LRIG1: variants seen among roughly 807,000 people sequenced by gnomAD.
LRIG1 encodes leucine rich repeats and immunoglobulin like domains 1.
LRIG1 carries 48 observed loss-of-function variants against 99.2 expected under a neutral mutation model. That is an observed-to-expected ratio of 0.48 (90% CI 0.38 to 0.62). The LOEUF (loss-of-function observed/expected upper bound fraction) is 0.62. Ranked by LOEUF, LRIG1 falls within the 20% of genes least tolerant of loss-of-function variation. The probability of loss-of-function intolerance (pLI) is 0.00; values close to 1 mark genes in which losing one functional copy is unlikely to be tolerated. For missense variants in LRIG1, 1,646 were observed against 1,434.4 expected (o/e 1.15, Z -2.38); for synonymous variants, 772 against 596.1 (o/e 1.29, Z -4.30).
intron 3 of LRIG1, among the ~76,000 whole-genome samples, chr3:66,437,406 C>T (rs9856474): frequency 6.6e-6 from 1 of 152,112 alleles, no homozygotes; most frequent in South Asian, 2.1e-4. Flanking sequence ...CTGGGCCAGG[C>T]GGCCTCTCAC....
chr3:66,414,823 GC>G (rs1702573602), intron 5 of LRIG1, 96 bp downstream of exon 5: 4 of 1,226,864 alleles, frequency 3.3e-6, no homozygotes, highest in Non-Finnish European at 4.4e-6. Flanking sequence ...ACCAAATGGA[GC>G]AAGGAAAGGG....
At chr3:66,430,331 G>A (rs1200066535) in intron 3 of LRIG1, among the ~76,000 whole-genome samples, 4 of 152,172 alleles carry the variant, frequency 2.6e-5, no homozygotes, top group African/African-American at 7.2e-5. Context: ...TGTCGAATAC[G>A]ATGGATTTTC....
intron 14 of LRIG1, among the ~76,000 whole-genome samples, chr3:66,383,731 C>G (rs1701223019): frequency 7.3e-6 from 1 of 136,568 alleles, no homozygotes; most frequent in Admixed American, 7.3e-5. Flanking sequence ...TGACCAAGCC[C>G]ACATCCATCC....
At chr3:66,411,464 C>T (rs546719853) in intron 6 of LRIG1, among the ~76,000 whole-genome samples, 3 of 152,308 alleles carry the variant, frequency 2.0e-5, no homozygotes, top group African/African-American at 7.2e-5. Context: ...AGCACATGAC[C>T]ACCTTGGACT....
At chr3:66,410,339 G>T (rs1702425451) in intron 6 of LRIG1, 67 bp from the exon 7 acceptor site, 2 of 1,472,944 alleles carry the variant, frequency 1.4e-6, no homozygotes, top group South Asian at 1.3e-5. Context: ...GACAGCAAAT[G>T]AGCAGCCACG....
Position 66,380,296 on chromosome 3 carries a change from C to G in LRIG1, c.3249G>C (p.Gln1083His). ...TTGGTGCCAACAGCAGTGGCACCCTCTGTTTCCCGGGGAGCTGTCCTGTCA... is the reference window on the plus strand; with the variant it reads ...TTGGTGCCAACAGCAGTGGCACCCTGTGTTTCCCGGGGAGCTGTCCTGTCA... ...TPLTGQLPGKQRVPLLLAPKS is the reference protein window; with the variant it reads ...TPLTGQLPGKHRVPLLLAPKS Residue 1083 changes from glutamine (Q) to histidine (H), a missense_variant, in exon 19 of 19, where the codon CAG becomes CAC. By Grantham distance (24) the Gln-to-His change is conservative. Coordinates refer to ENST00000273261, the MANE Select transcript of LRIG1 (RefSeq NM_015541.3). 6.2e-7 allele frequency: 1 copy of G among 1,613,786 alleles called. No individual in the cohort carries two copies. Among genetic ancestry groups the G allele is most frequent in the African/African-American group, 1.3e-5 (1 of 75,032 alleles).
chr3:66,381,642 A>T lies in LRIG1; in HGVS notation c.2618-11T>A. The T allele has an allele frequency of 1.2e-6, 2 of 1,608,866 alleles. No individual in the cohort carries two copies. Among genetic ancestry groups the T allele is most frequent in the Non-Finnish European group, 1.7e-6 (2 of 1,175,680 alleles). ...CTCTTGGACACACACCTGCAAGTGG[A>T]TTCCAACACGATTAGAAACTCTGGG... On this transcript the variant is annotated splice_polypyrimidine_tract_variant and intron_variant, in intron 16 of 18. Transcript: ENST00000273261.
chr3:66,445,044 A>C (rs944964414), intron 3 of LRIG1, among the ~76,000 whole-genome samples: 1 of 151,992 alleles, frequency 6.6e-6, no homozygotes, highest in Non-Finnish European at 1.5e-5. Flanking sequence ...CTGGGAACCA[A>C]AACAGCTTCG....
chr3:66,405,710 G>A, intron 8 of LRIG1: 8 of 1,103,392 alleles, frequency 7.3e-6, no homozygotes, highest in Non-Finnish European at 8.9e-6. Flanking sequence ...GCACATGGAA[G>A]AAAGAGACCC....
At chr3:66,404,223 G>A (rs2107998574) in intron 9 of LRIG1, 1 of 1,287,784 alleles carries the variant, frequency 7.8e-7, no homozygotes, top group East Asian at 5.6e-5. Flanking sequence ...TATATAAAAA[G>A]ACTCTCCCTA....
At chr3:66,439,068 C>A (rs1422335343) in intron 3 of LRIG1, among the ~76,000 whole-genome samples, 1 of 152,166 alleles carries the variant, frequency 6.6e-6, no homozygotes, top group Non-Finnish European at 1.5e-5. Context: ...TTAACACACA[C>A]TAGAGGAGAG....
intron 17 of LRIG1, 84 bp from the exon 18 acceptor site, chr3:66,380,945 C>T: frequency 2.1e-6 from 3 of 1,435,904 alleles, no homozygotes; most frequent in Admixed American, 1.8e-5. Context: ...CTCAGCTCCA[C>T]TGTGCAAGGT....
chr3:66,380,099 GC>G lies in LRIG1; in HGVS notation c.*163del. On this transcript the variant is annotated 3_prime_UTR_variant, in exon 19 of 19. Transcript: ENST00000273261. ...GCCTTTTGTACACAAATCCCCTCTT[GC>G]GTTTACTGTGCTTCAGATCCAAGTC... 2 of 578,306 alleles carry G rather than the reference GC, an allele frequency of 3.5e-6. No homozygotes were observed. The highest frequency in any genetic ancestry group is 6.0e-6 in the Non-Finnish European group (2 of 333,452). 35.8% of individuals were successfully genotyped at this position (578,306 alleles called of 1,614,324 possible).
intron 7 of LRIG1, 170 bp downstream of exon 7, chr3:66,409,959 C>T (rs1016304653): frequency 8.0e-5 from 48 of 597,454 alleles, no homozygotes; most frequent in Non-Finnish European, 1.3e-4. Flanking sequence ...GACTGGGGCT[C>T]AAATCGCTGA....
chr3:66,463,746 T>C (rs368391763), intron 1 of LRIG1, among the ~76,000 whole-genome samples: 6 of 152,384 alleles, frequency 3.9e-5, no homozygotes, highest in African/African-American at 1.4e-4. Context: ...GTTTAAAGTC[T>C]GTCTCAGAAA....
chr3:66,460,100 C>A (rs1700322684), intron 2 of LRIG1, among the ~76,000 whole-genome samples: 1 of 151,982 alleles, frequency 6.6e-6, no homozygotes, highest in South Asian at 2.1e-4. Context: ...CTCACTTGCC[C>A]CTCCCCAGTC....
intron 3 of LRIG1, among the ~76,000 whole-genome samples, chr3:66,427,491 G>C (rs1438227247): frequency 6.6e-6 from 1 of 152,200 alleles, no homozygotes. Flanking sequence ...ACATGAAGGT[G>C]ATGATTTCTC....
At chr3:66,408,556 A>G (rs964430389) in intron 7 of LRIG1, among the ~76,000 whole-genome samples, 9 of 152,208 alleles carry the variant, frequency 5.9e-5, no homozygotes, top group African/African-American at 1.9e-4. Flanking sequence ...CGGACCCCGC[A>G]GAAGACAGCA....
chr3:66,441,481 G>T (rs1046296170), intron 3 of LRIG1, among the ~76,000 whole-genome samples: 1 of 152,186 alleles, frequency 6.6e-6, no homozygotes, highest in Non-Finnish European at 1.5e-5. Context: ...GAGAGACAGG[G>T]AAAGATAGTA....
Sources: gnomAD v4.1 joint callset for allele counts (sites outside exome capture counted in the v4.1 genomes callset) on GRCh38, gnomAD v4.1.1 for gene constraint, MANE v1.5 for transcripts, NCBI Gene and HGNC (gene_info 2026-07-23, HGNC 2026-07-21) for gene names.